CUX1: variants seen among roughly 807,000 people sequenced by gnomAD.
The protein encoded by CUX1 is protein CASP.
In CUX1, 31 loss-of-function variants were observed where a neutral mutation model predicts 158.8. The ratio of observed to expected loss-of-function variants is 0.20; its 90% CI spans 0.15 to 0.26. The LOEUF is 0.26. CUX1 is among the 10% of genes least tolerant of loss of function. The pLI is 1.00. For synonymous variants in CUX1, 879 were observed against 862.1 expected (o/e 1.02, Z -0.34); for missense variants, 1,589 against 2,014.6 (o/e 0.79, Z 4.04).
chr7:102,132,306 TGTGC>T (rs1243715344), intron 8 of CUX1, among the ~76,000 whole-genome samples: 9 of 3,730 alleles, frequency 2.4e-3, no homozygotes, highest in Admixed American at 0.017. Flanking sequence ...TGTGTGTGTG[TGTGC>T]GCGCGCGCGC....
Position 102,250,800 on chromosome 7 carries a change from G to C in CUX1, c.*1758G>C, listed in dbSNP as rs552500695. 33 of 985,242 alleles carry C rather than the reference G, an allele frequency of 3.3e-5. No homozygotes were observed. Among genetic ancestry groups the C allele is most frequent in the Admixed American group, 6.2e-5 (1 of 16,246 alleles). The allele number at this position is 985,242 out of a possible 1,614,324, so 61.0% of individuals were successfully genotyped here. A position where few individuals can be genotyped will look rare whatever the true frequency, so the allele number is the denominator to read the frequency against. On this transcript the variant is annotated 3_prime_UTR_variant, in exon 24 of 24. Transcript: ENST00000292535. ...AGAGTGTGCGTGCGTGTGCGTGTGT[G>C]CAATTTTATACGTCTGTGTATTTTC...
At position 101,880,103 on chromosome 7, in the gene CUX1, A is replaced by T. The variant is rs1799563863; in HGVS notation, c.31-36012A>T. On this transcript the variant is annotated intron_variant, in intron 1 of 23. Coordinates refer to ENST00000292535, the MANE Select transcript of CUX1 (RefSeq NM_181552.4). ...TTTTTTTTAAAAAGGCTGTTTTTTT[A>T]AAAACAACTAAAGGCACAAAAACTC... Among the ~76,000 whole-genome samples the T allele has an allele frequency of 2.0e-5, 3 of 152,282 alleles. No homozygotes were observed. The South Asian group carries it at 6.2e-4, about 32-fold the overall frequency.
rs781805633 is a variant in CUX1, at chr7:102,202,108, C to T, written c.2811C>T (p.Val937=). 2 of 1,614,050 alleles carry T rather than the reference C, an allele frequency of 1.2e-6. No individual in the cohort carries two copies. The highest frequency in any genetic ancestry group is 1.7e-5 in the Admixed American group (1 of 60,004). Residue 937 remains valine (V), a synonymous_variant, in exon 18 of 24, where the codon GTC becomes GTT. Coordinates refer to ENST00000292535, the MANE Select transcript of CUX1 (RefSeq NM_181552.4). ...CGCTGACCCCCGAGCAGTACGAGGT[C>T]TACATGTACCAGGAGGTGGACACCA... ...VPPLTPEQYE[V]YMYQEVDTIE...
chr7:101,943,609 C>T (rs1033896318), intron 2 of CUX1, among the ~76,000 whole-genome samples: 7 of 151,450 alleles, frequency 4.6e-5, no homozygotes, highest in African/African-American at 9.7e-5. Context: ...GCTTACATAC[C>T]GAGAGTCAGA....
At chr7:102,178,092 G>A (rs1792591994) in intron 10 of CUX1, among the ~76,000 whole-genome samples, 1 of 152,188 alleles carries the variant, frequency 6.6e-6, no homozygotes, top group Admixed American at 6.5e-5. Flanking sequence ...AGTAGAGACG[G>A]GGTTTCACCA....
intron 1 of CUX1, among the ~76,000 whole-genome samples, chr7:101,884,439 G>C (rs559846620): frequency 1.4e-4 from 21 of 152,266 alleles, no homozygotes; most frequent in African/African-American, 5.1e-4. Context: ...TTTTAGATGG[G>C]GTAGGGAAGG....
intron 1 of CUX1, among the ~76,000 whole-genome samples, chr7:101,873,135 T>C (rs915112354): frequency 1.3e-5 from 2 of 151,618 alleles, no homozygotes; most frequent in African/African-American, 4.8e-5. Flanking sequence ...TCTCCCAAAG[T>C]GCTAGGATTA....
intron 3 of CUX1, among the ~76,000 whole-genome samples, chr7:102,037,165 A>C (rs1428014174): frequency 6.6e-6 from 1 of 150,924 alleles, no homozygotes; most frequent in Non-Finnish European, 1.5e-5. Context: ...ACTGCACTAC[A>C]GCCTGGCTGA....
chr7:102,257,584 A>G lies in CUX1; in HGVS notation c.*8542A>G. On this transcript the variant is annotated 3_prime_UTR_variant, in exon 24 of 24. Transcript: ENST00000292535. The stretch of plus-strand genomic sequence containing the variant: ...AGACCTAGTTCTTTGCGTTTGTGCA[A>G]TAACTCTTTGCTGCTTGCCTTGAGA... 1.1e-5 allele frequency: 11 copies of G among 985,380 alleles called. No homozygotes were observed. Among genetic ancestry groups the G allele is most frequent in the Non-Finnish European group, 1.1e-5 (9 of 829,924 alleles). The allele number at this position is 985,380 out of a possible 1,614,324, so 61.0% of individuals were successfully genotyped here.
At chr7:101,984,174 G>T (rs1249833967) in intron 2 of CUX1, among the ~76,000 whole-genome samples, 5 of 135,962 alleles carry the variant, frequency 3.7e-5, no homozygotes, top group African/African-American at 1.1e-4. Flanking sequence ...GTGTGTGTGT[G>T]TTAGGGGACA....
At chr7:102,136,763 T>C (rs1160400467) in intron 8 of CUX1, among the ~76,000 whole-genome samples, 1 of 152,220 alleles carries the variant, frequency 6.6e-6, no homozygotes, top group Admixed American at 6.5e-5. Context: ...TGCACATAAA[T>C]GTATCATTCT....
intron 1 of CUX1, among the ~76,000 whole-genome samples, chr7:101,861,379 AG>A (rs1419631682): frequency 3.9e-5 from 6 of 152,242 alleles, no homozygotes; most frequent in Non-Finnish European, 5.9e-5. Context: ...CACATTTAGC[AG>A]TTAGCTGTTA....
chr7:102,168,923 C>CTTTTTTTTTTTTTTTTTTTTTT (rs1191271149), intron 9 of CUX1, among the ~76,000 whole-genome samples: 2 of 45,050 alleles, frequency 4.4e-5, no homozygotes, highest in African/African-American at 3.2e-4. Context: ...ATTTTCTTTT[C>CTTTTTTTTTTTTTTTTTTTTTT]TTTTCTTTTA....
At chr7:102,130,954 G>T (rs1833151756) in intron 8 of CUX1, among the ~76,000 whole-genome samples, 1 of 151,920 alleles carries the variant, frequency 6.6e-6, no homozygotes, top group Admixed American at 6.6e-5. Context: ...TTCAAGACCG[G>T]CCTGGCCAAC....
At chr7:102,063,517 T>C (rs1453057038) in intron 3 of CUX1, among the ~76,000 whole-genome samples, 1 of 150,780 alleles carries the variant, frequency 6.6e-6, no homozygotes, top group Non-Finnish European at 1.5e-5. Flanking sequence ...GCCTCCCAAG[T>C]AGCTGGAATT....
downstream of CUX1, chr7:102,258,266 TG>T (rs1470579852): frequency 1.2e-6 from 1 of 834,352 alleles, no homozygotes; most frequent in Non-Finnish European, 1.4e-6. Flanking sequence ...TAAAGTGCTC[TG>T]GCCTGAGGAC....
intron 15 of CUX1, among the ~76,000 whole-genome samples, chr7:102,198,543 C>T (rs1554518966): frequency 6.6e-6 from 1 of 152,224 alleles, no homozygotes; most frequent in Admixed American, 6.5e-5. Flanking sequence ...TCCTCCCTCC[C>T]ATGGACCTCC....
intron 1 of CUX1, among the ~76,000 whole-genome samples, chr7:101,828,621 C>T (rs1793652028): frequency 6.6e-6 from 1 of 152,214 alleles, no homozygotes; most frequent in Non-Finnish European, 1.5e-5. Context: ...CTGCCTTGTC[C>T]CCCAGACCCC....
chr7:101,872,449 T>C (rs1451349939), intron 1 of CUX1, among the ~76,000 whole-genome samples: 1 of 151,944 alleles, frequency 6.6e-6, no homozygotes, highest in Non-Finnish European at 1.5e-5. Context: ...AAGGATTTTT[T>C]TGGGGGGAAA....
Sources: allele counts gnomAD v4.1 joint callset (sites outside exome capture counted in the v4.1 genomes callset), GRCh38; gene constraint gnomAD v4.1.1; transcripts MANE v1.5; gene names NCBI Gene and HGNC (gene_info 2026-07-23, HGNC 2026-07-21).